The following DCN variants were observed in gnomAD, a reference collection of about 807,000 sequenced individuals.
DCN encodes the protein decorin.
DCN carries 17 observed loss-of-function variants against 36.5 expected under a neutral mutation model. That is an observed-to-expected ratio of 0.47 (90% CI 0.32 to 0.70). The LOEUF is 0.70. Ranked by LOEUF, DCN falls within the 30% of genes least tolerant of loss-of-function variation. The probability of loss-of-function intolerance (pLI) is 0.04; values close to 1 mark genes in which losing one functional copy is unlikely to be tolerated. For synonymous variants in DCN, 163 were observed against 161.4 expected (o/e 1.01, Z -0.07); for missense variants, 389 against 430.1 (o/e 0.90, Z 0.84).
rs3990009 is a variant in DCN at position 91,155,615 on chromosome 12, G to GATCTATCTATCT, written c.652+1448_652+1459dup. Among the ~76,000 whole-genome samples, 668 of 150,356 alleles carry GATCTATCTATCT rather than the reference G, an allele frequency of 4.4e-3. 2 individuals carry two copies. Among genetic ancestry groups the GATCTATCTATCT allele is most frequent in the African/African-American group, 0.01 (420 of 40,714 alleles). ...TAAATTTCAGCAAGAATTTTAATAA[G>GATCTATCTATCT]ATCTATCTATCTATCTATCTATCTA... is the stretch of plus-strand genomic sequence containing the variant. On this transcript the variant is annotated intron_variant, in intron 5 of 7. Coordinates refer to ENST00000052754, the MANE Select transcript of DCN (RefSeq NM_001920.5).
intron 2 of DCN, among the ~76,000 whole-genome samples, chr12:91,170,063 A>T (rs1882857184): frequency 7.8e-6 from 1 of 128,818 alleles, no homozygotes. Context: ...GACTCTGTCT[A>T]AAAAAAAAAA....
intron 3 of DCN, among the ~76,000 whole-genome samples, 176 bp downstream of exon 3, chr12:91,164,429 A>AAG (rs1882390224): frequency 6.9e-6 from 1 of 145,490 alleles, no homozygotes; most frequent in Non-Finnish European, 1.5e-5. Context: ...AAAAAGAAAA[A>AAG]CAGTGTTTGG....
Position 91,158,211 on chromosome 12 carries a change from T to A in DCN, c.538+85A>T, listed in dbSNP as rs574786139. 6.2e-5 allele frequency: 54 copies of A among 865,734 alleles called. 1 individual carries two copies. The highest frequency in any genetic ancestry group is 2.3e-4 in the South Asian group (17 of 73,764). The allele number at this position is 865,734 out of a possible 1,614,324, so 53.6% of individuals were successfully genotyped here. A position where few individuals can be genotyped will look rare whatever the true frequency, so the allele number is the denominator to read the frequency against. On this transcript the variant is annotated intron_variant, in intron 4 of 7. Transcript: ENST00000052754. Reference sequence around the variant, plus strand: ...TCCAGGCATGTAGCTTGTAGCTAATTTACCTTCCTGCACTTAAAACCCAGT... The same window carrying A: ...TCCAGGCATGTAGCTTGTAGCTAATATACCTTCCTGCACTTAAAACCCAGT...
chr12:91,178,242 A>C, intron 2 of DCN, 100 bp downstream of exon 2: 1 of 1,107,492 alleles, frequency 9.0e-7, no homozygotes, highest in Non-Finnish European at 1.4e-6. Context: ...CTGTCTCTCA[A>C]ATTTAGAGAG....
intron 7 of DCN, 47 bp downstream of exon 7, chr12:91,151,607 G>A: frequency 6.2e-7 from 1 of 1,610,550 alleles, no homozygotes; most frequent in Non-Finnish European, 8.5e-7. Context: ...CAGGGTGGGG[G>A]TCTTGCTTTT....
intron 2 of DCN, among the ~76,000 whole-genome samples, chr12:91,173,629 C>T (rs1592706247): frequency 1.3e-5 from 2 of 152,120 alleles, no homozygotes; most frequent in Admixed American, 1.3e-4. Context: ...TTGGTGCATT[C>T]GAAACTCTGA....
intron 2 of DCN, among the ~76,000 whole-genome samples, chr12:91,170,863 CA>C (rs1174055916): frequency 6.6e-6 from 1 of 152,054 alleles, no homozygotes; most frequent in African/African-American, 2.4e-5. Context: ...ACCTAATCTT[CA>C]AAAAATATAA....
chr12:91,158,302 C>T lies in DCN; in HGVS notation c.532G>A (p.Val178Ile), dbSNP rs1305518726. 2 of 1,592,368 alleles carry T rather than the reference C, an allele frequency of 1.3e-6. No homozygotes were observed. Among genetic ancestry groups the T allele is most frequent in the Non-Finnish European group, 1.7e-6 (2 of 1,160,276 alleles). Residue 178 changes from valine (V) to isoleucine (I), a missense_variant, in exon 4 of 8, where the codon GTC (valine) becomes ATC (isoleucine). Transcript: ENST00000052754. ...VTFNGLNQMIVIELGTNPLKS... is the reference protein window; with the variant it reads ...VTFNGLNQMIIIELGTNPLKS... The stretch of plus-strand genomic sequence containing the variant: ...GTTATAAAAATGTCTGTACCTATGA[C>T]AATCATCTGGTTCAGTCCATTGAAA...
rs73360023 is a variant in DCN at position 91,182,332 on chromosome 12, C to T, written c.-34+323G>A. 2.4e-3 allele frequency among the ~76,000 whole-genome samples: 364 copies of T among 151,980 alleles called. 1 individual carries two copies. The highest frequency in any genetic ancestry group is 8.2e-3 in the African/African-American group (338 of 41,460). On this transcript the variant is annotated intron_variant, in intron 1 of 7. Coordinates refer to ENST00000052754, the MANE Select transcript of DCN (RefSeq NM_001920.5). ...CTACTTCAGAATACTTTTCGGTTACCATCTCTTGAAGAGCTAAACATTCAT... is the reference window on the plus strand; with the variant it reads ...CTACTTCAGAATACTTTTCGGTTACTATCTCTTGAAGAGCTAAACATTCAT...
chr12:91,181,656 T>A (rs13312815), intron 1 of DCN, among the ~76,000 whole-genome samples: 19,097 of 152,034 alleles, frequency 0.13, 1,731 homozygotes, highest in African/African-American at 0.25. Context: ...AAGTATGTCA[T>A]CCAGATCAAC....
chr12:91,178,306 A>G (rs1393642390), intron 2 of DCN, 36 bp downstream of exon 2: 1 of 1,564,378 alleles, frequency 6.4e-7, no homozygotes, highest in Non-Finnish European at 8.8e-7. Context: ...GAATAAAACA[A>G]GTAAGGTAGG....
intron 5 of DCN, among the ~76,000 whole-genome samples, chr12:91,154,621 A>ATTT (rs1881642644): frequency 6.6e-6 from 1 of 152,162 alleles, no homozygotes; most frequent in African/African-American, 2.4e-5. Context: ...AAATTTGTAA[A>ATTT]GTGCATCATT....
chr12:91,147,838 T>C (rs1037896989), intron 7 of DCN, among the ~76,000 whole-genome samples: 1 of 152,202 alleles, frequency 6.6e-6, no homozygotes. Context: ...TTTACTTGAA[T>C]ACAGTGCAAT....
At chr12:91,182,386 A>G (rs1868438249) in intron 1 of DCN, among the ~76,000 whole-genome samples, 1 of 152,140 alleles carries the variant, frequency 6.6e-6, no homozygotes, top group Non-Finnish European at 1.5e-5. Flanking sequence ...ATTAATATAG[A>G]GAGTCATGGT....
At chr12:91,177,675 T>C (rs991394738) in intron 2 of DCN, 3 of 699,932 alleles carry the variant, frequency 4.3e-6, no homozygotes, top group Admixed American at 2.0e-5. Context: ...GCTAAAGATA[T>C]ATGTAACACA....
At position 91,141,542 on chromosome 12, in the gene DCN, T is replaced by A. The variant is rs567527832; in HGVS notation, c.*4516A>T. ...TGTCTCCTCCTGCTGCAACATCTGC[T>A]TCAGAGGGCAAGGCATTATGCACTG... On this transcript the variant is annotated 3_prime_UTR_variant, in exon 8 of 8. Transcript: ENST00000052754. 1 of 152,206 alleles carries A rather than the reference T, an allele frequency of 6.6e-6. No homozygotes were observed. Among genetic ancestry groups the A allele is most frequent in the African/African-American group, 2.4e-5 (1 of 41,512 alleles). The allele number at this position is 152,206 out of a possible 1,614,324, so 9.4% of individuals were successfully genotyped here. A position where few individuals can be genotyped will look rare whatever the true frequency, so the allele number is the denominator to read the frequency against.
At chr12:91,174,510 T>G (rs1222491156) in intron 2 of DCN, among the ~76,000 whole-genome samples, 1 of 152,056 alleles carries the variant, frequency 6.6e-6, no homozygotes, top group Non-Finnish European at 1.5e-5. Context: ...AAAGGAAATA[T>G]CAGAAACAGC....
chr12:91,158,183 G>T (rs1881922566), intron 4 of DCN, 113 bp downstream of exon 4: 2 of 726,124 alleles, frequency 2.8e-6, no homozygotes, highest in African/African-American at 3.5e-5. Flanking sequence ...AAATCACATA[G>T]GCTCCAGGCA....
chr12:91,164,097 A>G (rs1420154860), intron 3 of DCN, among the ~76,000 whole-genome samples: 3 of 152,158 alleles, frequency 2.0e-5, no homozygotes, highest in Non-Finnish European at 2.9e-5. Context: ...CACTGCTAAA[A>G]AGGTAAACTA....
Sources: allele counts gnomAD v4.1 joint callset (sites outside exome capture counted in the v4.1 genomes callset), GRCh38; gene constraint gnomAD v4.1.1; transcripts MANE v1.5; gene names NCBI Gene and HGNC (gene_info 2026-07-23, HGNC 2026-07-21).